CAMSAP1: variants seen among roughly 807,000 people sequenced by gnomAD.
CAMSAP1 encodes calmodulin regulated spectrin associated protein 1.
CAMSAP1 carries 58 observed loss-of-function variants against 143.5 expected under a neutral mutation model. That is an observed-to-expected ratio of 0.40 (90% CI 0.33 to 0.50). CAMSAP1 has a LOEUF of 0.50. Ranked by LOEUF, CAMSAP1 falls within the 20% of genes least tolerant of loss-of-function variation. The pLI is 0.45. For missense variants in CAMSAP1, 1,969 were observed against 2,115.7 expected (o/e 0.93, Z 1.36); for synonymous variants, 945 against 859.3 (o/e 1.10, Z -1.74).
At position 135,825,216 on chromosome 9, in the gene CAMSAP1, A is replaced by G. The variant is rs78886947; in HGVS notation, c.1224-336T>C. Among the ~76,000 whole-genome samples the G allele has an allele frequency of 1.2e-3, 184 of 152,344 alleles. No individual in the cohort carries two copies. The East Asian group carries it at 0.014, about 12-fold the overall frequency. ...AAAAAGTGATCCTCTGACAAGCAAC[A>G]GTTTTCAAAAATGCACATTACTGCT... is the stretch of plus-strand genomic sequence containing the variant. On this transcript the variant is annotated intron_variant, in intron 8 of 16. Coordinates refer to ENST00000389532, the MANE Select transcript of CAMSAP1 (RefSeq NM_015447.4).
intron 5 of CAMSAP1, among the ~76,000 whole-genome samples, chr9:135,861,360 T>G (rs1837186754): frequency 6.6e-6 from 1 of 151,438 alleles, no homozygotes; most frequent in African/African-American, 2.4e-5. Context: ...TTGCCCAGGC[T>G]GGAATTCTCT....
rs1223911176 is a variant in CAMSAP1, at chr9:135,819,039, C to T, written c.3930G>A (p.Ala1310=). Residue 1310 remains alanine, a synonymous_variant, in exon 12 of 17, where the codon GCG becomes GCA. Coordinates refer to ENST00000389532, the MANE Select transcript of CAMSAP1 (RefSeq NM_015447.4). ...CTTCGTCACGCTTGAGCTCCACCTC[C>T]GCTTCCAGCTGCTGCTTGCGCACGC... The part of the protein sequence containing the change: ...EARVRKQQLE[A]EVELKRDEAR... 3.1e-6 allele frequency: 5 copies of T among 1,606,790 alleles called. No individual in the cohort carries two copies. The highest frequency in any genetic ancestry group is 2.2e-5 in the East Asian group (1 of 44,680).
In CAMSAP1 at chr9:135,883,078, T is replaced by C. The variant is rs1162600319; in HGVS notation, c.161A>G (p.Asp54Gly). The stretch of plus-strand genomic sequence containing the variant: ...GTCTCTGAGGTCCTCAGGGATGTTA[T>C]CTAAGACAGGGAGGGGATGACCAGG... ...QWICAKAYGR[D>G]NIPEDLRDPF... The change falls in exon 2 of 17, where the codon GAT becomes GGT. Residue 54 changes from aspartate (D) to glycine (G), a missense_variant and splice_region_variant. Physicochemically the swap from Asp to Gly is moderately conservative, Grantham distance 94 (BLOSUM62 -1). Coordinates refer to ENST00000389532, the MANE Select transcript of CAMSAP1 (RefSeq NM_015447.4). The C allele has an allele frequency of 1.3e-6, 2 of 1,551,402 alleles. No individual in the cohort carries two copies. Among genetic ancestry groups the C allele is most frequent in the Non-Finnish European group, 1.7e-6 (2 of 1,146,918 alleles).
In CAMSAP1 at chr9:135,850,200, A is replaced by C; in HGVS notation, c.982T>G (p.Trp328Gly). ...NVMVFIAELF[W>G]WFENVKPDFV... is the part of the protein sequence containing the mutation. ...TCTGGCTTGACATTCTCGAACCACC[A>C]AAAAAGCTCCGCAATAAAAACCATA... The change falls in exon 7 of 17, where the codon TGG (tryptophan) becomes GGG (glycine). Residue 328 changes from tryptophan to glycine, a missense_variant. By Grantham distance (184) the Trp-to-Gly change is radical (BLOSUM62 -2). This residue lies in a region of CAMSAP1 where 221 missense variants were observed against 298.2 expected (regional missense o/e 0.74). Transcript: ENST00000389532. 6.2e-7 allele frequency: 1 copy of C among 1,612,866 alleles called. No individual in the cohort carries two copies. Among genetic ancestry groups the C allele is most frequent in the Non-Finnish European group, 8.5e-7 (1 of 1,179,452 alleles).
chr9:135,822,247 A>G lies in CAMSAP1; in HGVS notation c.2414T>C (p.Val805Ala). The G allele has an allele frequency of 6.2e-7, 1 of 1,613,970 alleles. No homozygotes were observed. The highest frequency in any genetic ancestry group is 1.1e-5 in the South Asian group (1 of 91,088). ...CLSTASQMSS[V>A]SMASGSVKMT... ...CTTCACGCTCCCACTCGCCATGGAG[A>G]CACTGCTCATCTGAGAGGCTGTGCT... The change falls in exon 11 of 17, where the codon GTC (valine) becomes GCC (alanine). Residue 805 changes from valine (V) to alanine (A), a missense_variant. Physicochemically the swap from Val to Ala is moderately conservative, Grantham distance 64 (BLOSUM62 0). Coordinates refer to ENST00000389532, the MANE Select transcript of CAMSAP1 (RefSeq NM_015447.4). This position sits in a 1 kb window ranked among gnomAD's most constrained non-coding sequence, Gnocchi z 6.1.
chr9:135,889,569 G>A (rs772080219), intron 1 of CAMSAP1, among the ~76,000 whole-genome samples: 6 of 152,218 alleles, frequency 3.9e-5, no homozygotes, highest in Non-Finnish European at 8.8e-5. Flanking sequence ...GACCAAGCCC[G>A]GAGCAGAGGC....
At chr9:135,847,696 T>C (rs1265366126) in intron 7 of CAMSAP1, among the ~76,000 whole-genome samples, 1 of 146,390 alleles carries the variant, frequency 6.8e-6, no homozygotes, top group Non-Finnish European at 1.5e-5. Context: ...CACACACCTG[T>C]CGGGGGGTGG....
At position 135,882,718 on chromosome 9, in the gene CAMSAP1, G is replaced by A. The variant is rs571563462; in HGVS notation, c.423+98C>T. ...AAGCACGGGTCTCCACCACCTCGCC[G>A]CACACCGTGTTCACACCATCCATGC... On this transcript the variant is annotated intron_variant, in intron 2 of 16. Transcript: ENST00000389532. This position sits in a 1 kb window ranked among gnomAD's most constrained non-coding sequence, Gnocchi z 4.9. 16 of 1,400,614 alleles carry A rather than the reference G, an allele frequency of 1.1e-5. No homozygotes were observed. The highest frequency in any genetic ancestry group is 7.5e-5 in the East Asian group (3 of 39,892). 86.8% of individuals were successfully genotyped at this position (1,400,614 alleles called of 1,614,324 possible). A position where few individuals can be genotyped will look rare whatever the true frequency, so the allele number is the denominator to read the frequency against.
intron 7 of CAMSAP1, among the ~76,000 whole-genome samples, chr9:135,828,888 T>C (rs891145334): frequency 1.3e-5 from 2 of 151,886 alleles, no homozygotes; most frequent in Non-Finnish European, 2.9e-5. Context: ...CAGAGAGAAA[T>C]GGGATGATAT....
chr9:135,831,686 T>G (rs1482003158), intron 7 of CAMSAP1, among the ~76,000 whole-genome samples: 2 of 151,748 alleles, frequency 1.3e-5, no homozygotes, highest in Non-Finnish European at 2.9e-5. Context: ...TCAACAAAAC[T>G]AAGTTGGTTT....
At chr9:135,843,115 G>A (rs1362944012) in intron 7 of CAMSAP1, among the ~76,000 whole-genome samples, 1 of 152,074 alleles carries the variant, frequency 6.6e-6, no homozygotes, top group Admixed American at 6.6e-5. Context: ...ATTACCTGAG[G>A]TCGGGAGTTC....
At chr9:135,860,087 C>T (rs1837129639) in intron 5 of CAMSAP1, among the ~76,000 whole-genome samples, 1 of 151,454 alleles carries the variant, frequency 6.6e-6, no homozygotes, top group Non-Finnish European at 1.5e-5. Flanking sequence ...CAGGCATGGT[C>T]GTACGTGCCT....
chr9:135,907,062 T>C lies in CAMSAP1; in HGVS notation c.98A>G (p.Asp33Gly). ...AADLVPLDRY[D>G]AARAKIAANL... ...GGCGGCGATCTTGGCGCGCGCCGCGTCGTAGCGGTCCAGGGGCACGAGGTC... is the reference window on the plus strand; with the variant it reads ...GGCGGCGATCTTGGCGCGCGCCGCGCCGTAGCGGTCCAGGGGCACGAGGTC... The change falls in exon 1 of 17, where the codon GAC (aspartate) becomes GGC (glycine). Residue 33 changes from aspartate to glycine, a missense_variant. Coordinates refer to ENST00000389532, the MANE Select transcript of CAMSAP1 (RefSeq NM_015447.4). 8.3e-7 allele frequency: 1 copy of C among 1,200,422 alleles called. No homozygotes were observed. The highest frequency in any genetic ancestry group is 1.6e-5 in the African/African-American group (1 of 61,230). The allele number at this position is 1,200,422 out of a possible 1,614,324, so 74.4% of individuals were successfully genotyped here. A position where few individuals can be genotyped will look rare whatever the true frequency, so the allele number is the denominator to read the frequency against.
At chr9:135,870,970 T>G (rs1208741702) in intron 3 of CAMSAP1, among the ~76,000 whole-genome samples, 1 of 152,228 alleles carries the variant, frequency 6.6e-6, no homozygotes, top group East Asian at 1.9e-4. Context: ...TTTGGTGTAA[T>G]AGCAAAAACA....
At chr9:135,869,328 C>A (rs1255320226) in intron 3 of CAMSAP1, among the ~76,000 whole-genome samples, 1 of 147,512 alleles carries the variant, frequency 6.8e-6, no homozygotes, top group East Asian at 1.9e-4. Flanking sequence ...CATGACGAAA[C>A]CCTGTCTCTA....
At chr9:135,834,372 A>G (rs2131692520) in intron 7 of CAMSAP1, among the ~76,000 whole-genome samples, 1 of 152,356 alleles carries the variant, frequency 6.6e-6, no homozygotes, top group East Asian at 1.9e-4. Context: ...ACTGCGGCAC[A>G]TTTCATAATT....
At chr9:135,849,934 G>C (rs1414050533) in intron 7 of CAMSAP1, 5 of 445,020 alleles carry the variant, frequency 1.1e-5, no homozygotes, top group African/African-American at 2.0e-5. Flanking sequence ...AATTTTTAGA[G>C]CTGTGATTCG....
Position 135,882,708 on chromosome 9 carries a change from C to T in CAMSAP1, c.423+108G>A, listed in dbSNP as rs1030448011. The T allele has an allele frequency of 6.9e-5, 93 of 1,346,868 alleles. No homozygotes were observed. The Middle Eastern group carries it at 7.5e-4, about 11-fold the overall frequency. 83.4% of individuals were successfully genotyped at this position (1,346,868 alleles called of 1,614,324 possible). A position where few individuals can be genotyped will look rare whatever the true frequency, so the allele number is the denominator to read the frequency against. ...CAGTGTGCAAAAGCACGGGTCTCCACCACCTCGCCGCACACCGTGTTCACA... is the reference window on the plus strand; with the variant it reads ...CAGTGTGCAAAAGCACGGGTCTCCATCACCTCGCCGCACACCGTGTTCACA... On this transcript the variant is annotated intron_variant, in intron 2 of 16. Transcript: ENST00000389532. This position sits in a 1 kb window ranked among gnomAD's most constrained non-coding sequence, Gnocchi z 4.9.
At chr9:135,850,801 G>A (rs756267181) in intron 5 of CAMSAP1, among the ~76,000 whole-genome samples, 10 of 152,182 alleles carry the variant, frequency 6.6e-5, no homozygotes, top group Non-Finnish European at 1.0e-4. Flanking sequence ...TAAATGTTGA[G>A]CCGAGTTTCT....
Sources: allele counts gnomAD v4.1 joint callset (sites outside exome capture counted in the v4.1 genomes callset), GRCh38; gene constraint gnomAD v4.1.1; regional missense constraint gnomAD v4.1.1; non-coding constraint Gnocchi (gnomAD v3.1); transcripts MANE v1.5; gene names NCBI Gene and HGNC (gene_info 2026-07-23, HGNC 2026-07-21).